Variants in ORC3 observed in about 807,000 individuals in gnomAD.
ORC3 encodes homolog of latheo, Drosophila.
ORC3 carries 78 observed loss-of-function variants against 100.7 expected under a neutral mutation model. That is an observed-to-expected ratio of 0.77 (90% CI 0.65 to 0.94). ORC3 has a LOEUF of 0.94. Among genes scored for constraint, ORC3 ranks in the 40% least tolerant of loss-of-function variants. The probability of loss-of-function intolerance (pLI) is 0.00; values close to 1 mark genes in which losing one functional copy is unlikely to be tolerated. For missense variants in ORC3, 789 were observed against 823.9 expected, an observed-to-expected ratio of 0.96 and a Z score of 0.52; for synonymous variants, 295 against 289.3, an observed-to-expected ratio of 1.02 and a Z score of -0.20.
At chr6:87,607,938 G>T in intron 6 of ORC3, 114 bp downstream of exon 6, 2 of 622,184 alleles carry the variant, frequency 3.2e-6, no homozygotes, top group South Asian at 3.9e-5. Context: ...TGCAGCACTA[G>T]GTGTTAATTT....
At chr6:87,676,872 C>T in the ORC3 span, among the ~76,000 whole-genome samples, 3 of 150,948 alleles carry the variant, frequency 2.0e-5, no homozygotes, top group African/African-American at 7.3e-5. Context: ...GTCAGGAGAT[C>T]GAGACCATCC....
chr6:87,623,772 T>C (rs963596645), intron 11 of ORC3, among the ~76,000 whole-genome samples: 5 of 152,072 alleles, frequency 3.3e-5, no homozygotes, highest in Non-Finnish European at 7.4e-5. Context: ...TAGTCCCAGC[T>C]ACTCAGGAGG....
At chr6:87,608,612 CT>C (rs1583027621) in intron 6 of ORC3, among the ~76,000 whole-genome samples, 1 of 152,142 alleles carries the variant, frequency 6.6e-6, no homozygotes, top group East Asian at 1.9e-4. Context: ...TAAAATGCTA[CT>C]TTTGGTTTAT....
At chr6:87,619,593 A>T (rs1391081144) in intron 9 of ORC3, among the ~76,000 whole-genome samples, 2 of 152,048 alleles carry the variant, frequency 1.3e-5, no homozygotes, top group Non-Finnish European at 2.9e-5. Flanking sequence ...TTTAGTAGAG[A>T]TGGGGTTTCA....
intron 11 of ORC3, 115 bp from the exon 12 acceptor site, chr6:87,634,730 G>T: frequency 1.7e-6 from 1 of 576,190 alleles, no homozygotes; most frequent in Non-Finnish European, 3.0e-6. Context: ...GAATTAATTT[G>T]TAGTTTTGAA....
chr6:87,611,324 G>C (rs73498106), intron 7 of ORC3, among the ~76,000 whole-genome samples: 19,572 of 151,896 alleles, frequency 0.13, 1,414 homozygotes, highest in African/African-American at 0.19. Flanking sequence ...TAGCATGCTT[G>C]GAAAGTACAT....
intron 11 of ORC3, among the ~76,000 whole-genome samples, chr6:87,632,215 A>G (rs1562354534): frequency 4.6e-5 from 7 of 152,254 alleles, no homozygotes. Context: ...AAAGGCAGAT[A>G]CATATGTGCA....
intron 9 of ORC3, among the ~76,000 whole-genome samples, chr6:87,616,695 GTT>G (rs1476988601): frequency 3.9e-5 from 6 of 151,986 alleles, no homozygotes; most frequent in Non-Finnish European, 5.9e-5. Context: ...GACTTTTTTG[GTT>G]TGTTTCCGAG....
intron 6 of ORC3, among the ~76,000 whole-genome samples, chr6:87,608,458 A>T (rs1778505656): frequency 6.6e-6 from 1 of 152,222 alleles, no homozygotes; most frequent in Non-Finnish European, 1.5e-5. Flanking sequence ...GTATGGGAAA[A>T]AAAATACTGT....
chr6:87,650,651 A>C (rs1211493340), intron 13 of ORC3, among the ~76,000 whole-genome samples: 1 of 152,248 alleles, frequency 6.6e-6, no homozygotes, highest in Non-Finnish European at 1.5e-5. Context: ...ATTAAACAAG[A>C]GAATACTTGA....
the ORC3 span, chr6:87,675,556 C>T: frequency 6.2e-7 from 1 of 1,612,890 alleles, no homozygotes; most frequent in Admixed American, 1.7e-5. Context: ...TGCAACAACT[C>T]AACAAGGAAC....
intron 16 of ORC3, among the ~76,000 whole-genome samples, chr6:87,659,642 G>A (rs1274401368): frequency 6.6e-6 from 1 of 152,044 alleles, no homozygotes; most frequent in Non-Finnish European, 1.5e-5. Flanking sequence ...AGCATCTTGG[G>A]AGGCCAAGGT....
At chr6:87,606,108 C>A in intron 5 of ORC3, 87 bp downstream of exon 5, 1 of 793,228 alleles carries the variant, frequency 1.3e-6, no homozygotes. Context: ...TTCTTTATCC[C>A]TTTTTTTGGT....
At chr6:87,616,508 T>C (rs1227316422) in intron 9 of ORC3, 81 bp downstream of exon 9, 5 of 597,422 alleles carry the variant, frequency 8.4e-6, no homozygotes, top group Non-Finnish European at 9.2e-6. Context: ...TCTAGTGTGA[T>C]AGGCATTTTA....
At chr6:87,614,867 T>C (rs1367972962) in intron 8 of ORC3, among the ~76,000 whole-genome samples, 1 of 152,184 alleles carries the variant, frequency 6.6e-6, no homozygotes, top group Non-Finnish European at 1.5e-5. Context: ...AGTTACAAAC[T>C]TTCCCACATT....
At chr6:87,646,289 T>C (rs1768784682) in intron 13 of ORC3, among the ~76,000 whole-genome samples, 1 of 151,992 alleles carries the variant, frequency 6.6e-6, no homozygotes, top group Non-Finnish European at 1.5e-5. Context: ...CTCTGCCAAT[T>C]GTGAAGTAAT....
intron 8 of ORC3, 61 bp downstream of exon 8, chr6:87,612,309 G>A (rs971507510): frequency 3.4e-6 from 4 of 1,183,574 alleles, no homozygotes; most frequent in Non-Finnish European, 4.8e-6. Context: ...ATAATAGATT[G>A]TTAAGATAAC....
At chr6:87,615,568 A>T (rs1050343077) in intron 8 of ORC3, among the ~76,000 whole-genome samples, 5 of 152,194 alleles carry the variant, frequency 3.3e-5, no homozygotes, top group Admixed American at 1.3e-4. Flanking sequence ...GGTGGCAAGC[A>T]CCTATAATCC....
chr6:87,654,519 G>GGCA (rs1314179821), intron 14 of ORC3, among the ~76,000 whole-genome samples: 1 of 152,156 alleles, frequency 6.6e-6, no homozygotes, highest in Non-Finnish European at 1.5e-5. Flanking sequence ...AGGAGAAGAC[G>GGCA]GCAGCTTGTT....
Sources: allele counts gnomAD v4.1 joint callset (sites outside exome capture counted in the v4.1 genomes callset), GRCh38; gene constraint gnomAD v4.1.1; transcripts MANE v1.5; gene names NCBI Gene and HGNC (gene_info 2026-07-23, HGNC 2026-07-21).